The following EIF4ENIF1 variants were observed in gnomAD, a reference collection of about 807,000 sequenced individuals.
EIF4ENIF1 encodes eukaryotic translation initiation factor 4E nuclear import factor 1.
EIF4ENIF1 carries 23 observed loss-of-function variants against 110.5 expected under a neutral mutation model. The ratio of observed to expected loss-of-function variants is 0.21; its 90% CI spans 0.15 to 0.29. EIF4ENIF1 has a LOEUF of 0.29. Among genes scored for constraint, EIF4ENIF1 ranks in the 10% least tolerant of loss-of-function variants. EIF4ENIF1 has a pLI of 1.00. For missense variants in EIF4ENIF1, 1,031 were observed against 1,221.1 expected, an observed-to-expected ratio of 0.84 and a Z score of 2.32; for synonymous variants, 440 against 437.0, an observed-to-expected ratio of 1.01 and a Z score of -0.09.
intron 2 of EIF4ENIF1, among the ~76,000 whole-genome samples, chr22:31,474,356 C>T (rs567805285): frequency 3.5e-4 from 54 of 152,250 alleles, no homozygotes; most frequent in South Asian, 1.7e-3. Flanking sequence ...CCACCGTGCC[C>T]GGCTGACTCC....
upstream of EIF4ENIF1, among the ~76,000 whole-genome samples, chr22:31,492,982 G>A (rs763395631): frequency 4.6e-5 from 7 of 151,556 alleles, no homozygotes; most frequent in Non-Finnish European, 8.8e-5. Flanking sequence ...CGCCCACCTC[G>A]GCCTCCCAAA....
rs576109917 is a variant in EIF4ENIF1, at chr22:31,473,679, GCT to G, written c.97-1764_97-1763del. Among the ~76,000 whole-genome samples, 83 of 152,324 alleles carry G rather than the reference GCT, an allele frequency of 5.4e-4. No individual in the cohort carries two copies. In the East Asian group the frequency reaches 0.015, roughly 28 times the overall value. Reference sequence around the variant, plus strand: ...GGGGCAGAATACTAACTGAAGAGGTGCTGTGTCCTTCACAGACCGTCACTTCT... The same window carrying G: ...GGGGCAGAATACTAACTGAAGAGGTGGTGTCCTTCACAGACCGTCACTTCT... On this transcript the variant is annotated intron_variant, in intron 2 of 18. Transcript: ENST00000330125.
chr22:31,451,147 C>T (rs1242073798), intron 10 of EIF4ENIF1: 1 of 152,314 alleles, frequency 6.6e-6, no homozygotes, highest in Non-Finnish European at 1.5e-5. Context: ...TCCCAAAGTG[C>T]TGGCTAAATT....
chr22:31,460,756 C>G (rs1302501692), intron 6 of EIF4ENIF1, among the ~76,000 whole-genome samples: 7 of 151,952 alleles, frequency 4.6e-5, no homozygotes, highest in Admixed American at 4.6e-4. Context: ...ACCATCCTGG[C>G]TAACATAGTG....
At chr22:31,471,445 G>C (rs917172528) in intron 3 of EIF4ENIF1, among the ~76,000 whole-genome samples, 1 of 152,020 alleles carries the variant, frequency 6.6e-6, no homozygotes, top group Non-Finnish European at 1.5e-5. Flanking sequence ...CTCCCGAGTA[G>C]CTGGGACTAC....
upstream of EIF4ENIF1, among the ~76,000 whole-genome samples, chr22:31,493,368 G>A (rs2052299174): frequency 6.6e-6 from 1 of 151,844 alleles, no homozygotes; most frequent in Admixed American, 6.6e-5. Context: ...TTGCTCTGTC[G>A]CCCAGGCTAG....
chr22:31,441,571 A>AAAAAAAAAAAAAAAAAAAAAAAAAAAAC (rs2050299236), intron 17 of EIF4ENIF1, among the ~76,000 whole-genome samples: 1 of 149,922 alleles, frequency 6.7e-6, no homozygotes, highest in African/African-American at 2.5e-5. Flanking sequence ...AAAAAAAAAA[A>AAAAAAAAAAAAAAAAAAAAAAAAAAAAC]AAGAATCTTC....
At chr22:31,470,352 A>C (rs1011452796) in intron 3 of EIF4ENIF1, among the ~76,000 whole-genome samples, 2 of 150,668 alleles carry the variant, frequency 1.3e-5, no homozygotes, top group African/African-American at 4.9e-5. Flanking sequence ...GCAGTCTAGG[A>C]TCAACGCAAC....
intron 7 of EIF4ENIF1, among the ~76,000 whole-genome samples, chr22:31,458,089 A>G (rs753963413): frequency 1.2e-4 from 18 of 152,088 alleles, no homozygotes; most frequent in Non-Finnish European, 2.2e-4. Flanking sequence ...TTAGCTGGGC[A>G]TGGTGGCACA....
intron 4 of EIF4ENIF1, among the ~76,000 whole-genome samples, chr22:31,465,470 T>C (rs1202226038): frequency 1.3e-5 from 2 of 152,180 alleles, no homozygotes; most frequent in Admixed American, 6.6e-5. Flanking sequence ...AATTAAACCA[T>C]GTGATACTAC....
chr22:31,455,526 G>A (rs771688058), intron 8 of EIF4ENIF1, among the ~76,000 whole-genome samples: 1 of 151,822 alleles, frequency 6.6e-6, no homozygotes, highest in Admixed American at 6.6e-5. Flanking sequence ...AGCCTCCTGA[G>A]TAGCTGGGAC....
chr22:31,462,513 A>G (rs2051030427), intron 6 of EIF4ENIF1, among the ~76,000 whole-genome samples: 1 of 151,732 alleles, frequency 6.6e-6, no homozygotes, highest in Admixed American at 6.6e-5. Context: ...CAAAATCAGG[A>G]TGCATCATGA....
In EIF4ENIF1 at chr22:31,441,787, A is replaced by G; in HGVS notation, c.2538T>C (p.Ser846=). The G allele has an allele frequency of 6.2e-7, 1 of 1,610,820 alleles. No individual in the cohort carries two copies. Among genetic ancestry groups the G allele is most frequent in the Admixed American group, 1.7e-5 (1 of 59,840 alleles). ...CTGGAAACTCACCAGTTTGGAGCAAACTTGGAAGATGCTGTGGATGTACTC... is the reference window on the plus strand; with the variant it reads ...CTGGAAACTCACCAGTTTGGAGCAAGCTTGGAAGATGCTGTGGATGTACTC... ...AQGVHPQHLP[S]LLQTGVLPPG... is the part of the protein sequence containing the mutation. The change falls in exon 17 of 19, where the codon AGT becomes AGC. Residue 846 remains serine (S), a synonymous_variant. Transcript: ENST00000330125.
chr22:31,449,663 A>T (rs530385649), intron 11 of EIF4ENIF1, 132 bp from the exon 12 acceptor site: 1 of 681,774 alleles, frequency 1.5e-6, no homozygotes, highest in Admixed American at 3.0e-5. Flanking sequence ...TGGCATGTGT[A>T]CATGCAACAC....
At position 31,458,665 on chromosome 22, in the gene EIF4ENIF1, A is replaced by C; in HGVS notation, c.788-15T>G. On this transcript the variant is annotated splice_polypyrimidine_tract_variant and intron_variant, in intron 6 of 18. Coordinates refer to ENST00000330125, the MANE Select transcript of EIF4ENIF1 (RefSeq NM_019843.4). ...CTCTACTATACCTGAAAGCAAAACC[A>C]GGACAAAAACCGTCTGATAAGTAAA... The C allele has an allele frequency of 6.4e-7, 1 of 1,565,838 alleles. No individual in the cohort carries two copies.
chr22:31,471,865 C>T lies in EIF4ENIF1; in HGVS notation c.149G>A (p.Cys50Tyr), dbSNP rs199768371. The change falls in exon 3 of 19, where the codon TGC becomes TAC. Residue 50 changes from cysteine (C) to tyrosine (Y), a missense_variant. Cys to Tyr is a radical substitution (Grantham distance 194). This residue lies in a region of EIF4ENIF1 where 704 missense variants were observed against 879.7 expected (regional missense o/e 0.80). Coordinates refer to ENST00000330125, the MANE Select transcript of EIF4ENIF1 (RefSeq NM_019843.4). ...ATACCTGTCATATTTTTCAGAAAGGCATGAAGGCCTCTGTTTGGAATGGGG... is the reference window on the plus strand; with the variant it reads ...ATACCTGTCATATTTTTCAGAAAGGTATGAAGGCCTCTGTTTGGAATGGGG... ...ELPHSKQRPS[C>Y]LSEKYDSDGV... 2.0e-5 allele frequency: 32 copies of T among 1,606,870 alleles called. No homozygotes were observed. The highest frequency in any genetic ancestry group is 2.6e-5 in the Non-Finnish European group (31 of 1,178,112).
chr22:31,485,115 C>G (rs1433197986), intron 2 of EIF4ENIF1, among the ~76,000 whole-genome samples: 1 of 152,218 alleles, frequency 6.6e-6, no homozygotes, highest in East Asian at 1.9e-4. Flanking sequence ...CATGAAAGCA[C>G]TACCCTAACA....
intron 7 of EIF4ENIF1, 54 bp downstream of exon 7, chr22:31,458,421 A>T: frequency 7.2e-7 from 1 of 1,387,300 alleles, no homozygotes; most frequent in Non-Finnish European, 9.5e-7. Context: ...CCGATGTCTT[A>T]AATACTCAGG....
chr22:31,465,939 C>T (rs910712567), intron 4 of EIF4ENIF1, among the ~76,000 whole-genome samples: 1 of 152,118 alleles, frequency 6.6e-6, no homozygotes, highest in Admixed American at 6.5e-5. Context: ...ATATAAAATC[C>T]TAGGAAATGT....
Sources: gnomAD v4.1 joint callset for allele counts (sites outside exome capture counted in the v4.1 genomes callset) on GRCh38, gnomAD v4.1.1 for gene constraint, gnomAD v4.1.1 regional missense constraint, MANE v1.5 for transcripts, NCBI Gene and HGNC (gene_info 2026-07-23, HGNC 2026-07-21) for gene names.